Variants in SLC2A9 observed in about 807,000 individuals in gnomAD.
SLC2A9 encodes solute carrier family 2, facilitated glucose transporter member 9.
In SLC2A9, 39 loss-of-function variants were observed where a neutral mutation model predicts 50.6. The ratio of observed to expected loss-of-function variants is 0.77; its 90% CI spans 0.60 to 1.01. The LOEUF (loss-of-function observed/expected upper bound fraction) is 1.01. Ranked by LOEUF, SLC2A9 falls within the 50% of genes least tolerant of loss-of-function variation. SLC2A9 has a pLI of 0.00. For synonymous variants in SLC2A9, 324 were observed against 276.9 expected (o/e 1.17, Z -1.69); for missense variants, 686 against 677.6 (o/e 1.01, Z -0.14).
chr4:9,955,088 G>C (rs6449156), intron 5 of SLC2A9, among the ~76,000 whole-genome samples: 73,354 of 151,964 alleles, frequency 0.48, 19,093 homozygotes, highest in African/African-American at 0.67. Flanking sequence ...GTAAACACAC[G>C]GCGTGTGCGG....
At chr4:9,978,852 A>C (rs1370372441) in intron 5 of SLC2A9, among the ~76,000 whole-genome samples, 1 of 152,262 alleles carries the variant, frequency 6.6e-6, no homozygotes, top group Non-Finnish European at 1.5e-5. Flanking sequence ...ATCACAGAAA[A>C]GTACACTTAA....
At chr4:9,986,611 T>C (rs923565386) in intron 3 of SLC2A9, among the ~76,000 whole-genome samples, 1 of 146,998 alleles carries the variant, frequency 6.8e-6, no homozygotes, top group Non-Finnish European at 1.5e-5. Flanking sequence ...CCTCCCTTTC[T>C]TCCTTATTTC....
chr4:9,782,451 C>A, intron 3 of SLC2A9: 1 of 1,613,996 alleles, frequency 6.2e-7, no homozygotes, highest in Non-Finnish European at 8.5e-7. Context: ...CGCTACTGGG[C>A]CATCTCCAGG....
downstream of SLC2A9, among the ~76,000 whole-genome samples, chr4:9,797,139 C>T (rs924915957): frequency 2.6e-5 from 4 of 152,164 alleles, no homozygotes; most frequent in Non-Finnish European, 5.9e-5. Context: ...AATCACATAG[C>T]AGCTCTGCTC....
At chr4:9,841,927 A>C (rs1203010885) in intron 10 of SLC2A9, among the ~76,000 whole-genome samples, 1 of 152,194 alleles carries the variant, frequency 6.6e-6, no homozygotes, top group African/African-American at 2.4e-5. Context: ...CATAAAATCA[A>C]GGTGGTAGCA....
At chr4:9,979,099 T>TGATC (rs1755274973) in intron 5 of SLC2A9, among the ~76,000 whole-genome samples, 2 of 152,128 alleles carry the variant, frequency 1.3e-5, no homozygotes, top group Non-Finnish European at 2.9e-5. Flanking sequence ...AACACCAGTG[T>TGATC]GATCCATCCT....
At chr4:9,877,010 T>G (rs1360457605) in intron 10 of SLC2A9, among the ~76,000 whole-genome samples, 2 of 152,232 alleles carry the variant, frequency 1.3e-5, no homozygotes, top group African/African-American at 4.8e-5. Flanking sequence ...GCTATAGTTA[T>G]TTTAATGTGC....
chr4:10,018,875 C>G, intron 2 of SLC2A9, 100 bp downstream of exon 2: 1 of 1,187,680 alleles, frequency 8.4e-7, no homozygotes, highest in Admixed American at 2.2e-5. Flanking sequence ...TCCCGCGCCG[C>G]GAGCGCAACA....
intron 1 of SLC2A9, 73 bp downstream of exon 1, chr4:10,021,207 T>C (rs1245632854): frequency 1.3e-6 from 2 of 1,520,618 alleles, no homozygotes; most frequent in East Asian, 2.3e-5. Flanking sequence ...GGCTGAGCAC[T>C]GTCACACGGC....
intron 11 of SLC2A9, 74 bp downstream of exon 11, chr4:9,834,807 C>T: frequency 6.2e-7 from 1 of 1,603,876 alleles, no homozygotes. Flanking sequence ...TCAACTTCTG[C>T]TCTATGAATC....
intron 8 of SLC2A9, among the ~76,000 whole-genome samples, chr4:9,896,586 TCA>T (rs1015201451): frequency 2.6e-5 from 4 of 152,256 alleles, no homozygotes; most frequent in Admixed American, 1.3e-4. Context: ...TTTTAAATAG[TCA>T]CAGTTTTTAA....
chr4:9,783,277 C>A, intron 3 of SLC2A9: 4 of 1,614,218 alleles, frequency 2.5e-6, no homozygotes, highest in Non-Finnish European at 2.5e-6. Flanking sequence ...TGATGCCCAA[C>A]GCCGTTACCC....
intron 3 of SLC2A9, among the ~76,000 whole-genome samples, chr4:9,803,438 T>C (rs1438929471): frequency 1.3e-5 from 2 of 152,214 alleles, no homozygotes; most frequent in Non-Finnish European, 2.9e-5. Flanking sequence ...ACATAGGCAA[T>C]ATTCTTCCCA....
At chr4:10,000,179 C>T (rs560841960) in intron 2 of SLC2A9, among the ~76,000 whole-genome samples, 1 of 152,312 alleles carries the variant, frequency 6.6e-6, no homozygotes, top group South Asian at 2.1e-4. Context: ...TCAATAGCTA[C>T]AGCTATTTCT....
At chr4:9,774,002 T>TG (rs1717186591) in intron 1 of SLC2A9, among the ~76,000 whole-genome samples, 2 of 151,412 alleles carry the variant, frequency 1.3e-5, no homozygotes, top group South Asian at 4.2e-4. Context: ...CTTTTTTTTT[T>TG]TTTTTTTAAG....
intron 2 of SLC2A9, among the ~76,000 whole-genome samples, chr4:10,008,292 C>T (rs1761142939): frequency 6.6e-6 from 1 of 152,154 alleles, no homozygotes; most frequent in South Asian, 2.1e-4. Context: ...GGGCATGGTG[C>T]GGGGGGAGTT....
chr4:9,828,035 G>C (rs1408372541), intron 11 of SLC2A9, among the ~76,000 whole-genome samples: 1 of 152,212 alleles, frequency 6.6e-6, no homozygotes, highest in Non-Finnish European at 1.5e-5. Context: ...TCTGCAGGCG[G>C]AATGGACATC....
intron 11 of SLC2A9, 99 bp downstream of exon 11, chr4:9,834,782 T>TTGAGAGGAGAGAGATCAACTTCATAG: frequency 6.4e-7 from 1 of 1,561,970 alleles, no homozygotes; most frequent in Non-Finnish European, 8.8e-7. Flanking sequence ...GAGTTTCCAG[T>TTGAGAGGAGAGAGATCAACTTCATAG]TGAGAGGAGA....
chr4:9,839,706 C>T (rs187194217), intron 10 of SLC2A9, among the ~76,000 whole-genome samples: 92 of 152,194 alleles, frequency 6.0e-4, no homozygotes, highest in Non-Finnish European at 8.8e-5. Context: ...GGCCATTATC[C>T]TAGCAAACTA....
Sources: gnomAD v4.1 joint callset for allele counts (sites outside exome capture counted in the v4.1 genomes callset) on GRCh38, gnomAD v4.1.1 for gene constraint, MANE v1.5 for transcripts, NCBI Gene and HGNC (gene_info 2026-07-23, HGNC 2026-07-21) for gene names.